Variants in SYNE2 observed in about 807,000 individuals in gnomAD.
SYNE2 encodes the protein spectrin repeat containing nuclear envelope protein 2, also known as nesprin-2.
In SYNE2, 431 loss-of-function variants were observed where a neutral mutation model predicts 856.3. The ratio of observed to expected loss-of-function variants is 0.50; its 90% CI spans 0.47 to 0.55. SYNE2 has a LOEUF of 0.55. SYNE2 is among the 20% of genes least tolerant of loss of function. The pLI, the probability that SYNE2 is intolerant of heterozygous loss-of-function variation, is 0.00. For missense variants in SYNE2, 8,129 were observed against 8,023.2 expected (o/e 1.01, Z -0.50); for synonymous variants, 2,923 against 2,872.3 (o/e 1.02, Z -0.56).
intron 2 of SYNE2, among the ~76,000 whole-genome samples, chr14:63,919,972 G>GTTTTTTTTTTGTTTTTTTT (rs2095577958): frequency 9.0e-6 from 1 of 110,620 alleles, no homozygotes; most frequent in Non-Finnish European, 1.8e-5. Flanking sequence ...TAAAAGGTAA[G>GTTTTTTTTTTGTTTTTTTT]TTTTTTTTTT....
chr14:64,102,115 G>T, intron 64 of SYNE2, 73 bp downstream of exon 64: 1 of 1,087,670 alleles, frequency 9.2e-7, no homozygotes, highest in Admixed American at 1.8e-5. Context: ...CTTTCTGCAC[G>T]ACTTTCTTTC....
Position 64,009,968 on chromosome 14 carries a change from T to G in SYNE2, c.4580T>G (p.Leu1527Arg). 1 of 1,613,498 alleles carries G rather than the reference T, an allele frequency of 6.2e-7. No individual in the cohort carries two copies. The highest frequency in any genetic ancestry group is 8.5e-7 in the Non-Finnish European group (1 of 1,179,726). ...ATTGTATATTTTTCTATTCTTAGTC[T>G]TGAACAATGTGGGAGAGTTTTGGAG... ...ENTKALVTEC[L>R]EQCGRVLELL... Residue 1527 changes from leucine (L) to arginine (R), a missense_variant and splice_region_variant, in exon 32 of 116, where the codon CTT becomes CGT. Coordinates refer to ENST00000555002, the MANE Select transcript of SYNE2 (RefSeq NM_182914.3).
At chr14:64,044,592 C>T (rs911715665) in intron 45 of SYNE2, among the ~76,000 whole-genome samples, 4 of 152,130 alleles carry the variant, frequency 2.6e-5, no homozygotes, top group African/African-American at 9.7e-5. Flanking sequence ...CCACCCAAAT[C>T]TCATCTTGAA....
chr14:64,035,521 T>A (rs2097080719), intron 45 of SYNE2, among the ~76,000 whole-genome samples: 2 of 150,688 alleles, frequency 1.3e-5, no homozygotes, highest in African/African-American at 4.9e-5. Flanking sequence ...GTACATTTTT[T>A]TTTTTTTTTT....
intron 11 of SYNE2, among the ~76,000 whole-genome samples, chr14:63,969,138 T>C (rs1047339196): frequency 6.6e-6 from 1 of 151,590 alleles, no homozygotes; most frequent in Non-Finnish European, 1.5e-5. Context: ...TCCACTTCCA[T>C]CCACATTGTT....
At chr14:63,902,407 C>CAAAA (rs10533353) in intron 1 of SYNE2, among the ~76,000 whole-genome samples, 46 of 74,608 alleles carry the variant, frequency 6.2e-4, no homozygotes, top group African/African-American at 1.3e-3. Context: ...CGAGACTCCT[C>CAAAA]AAAAAAAAAA....
At position 63,986,573 on chromosome 14, in the gene SYNE2, T is replaced by G; in HGVS notation, c.2269T>G (p.Leu757Val). Reference protein sequence around the residue: ...EIWEAEAKSVLDQDDVDTSME... With the variant: ...EIWEAEAKSVVDQDDVDTSME... Reference sequence around the variant, plus strand: ...CTGGGAGGCAGAAGCCAAATCTGTTTTGGATCAAGATGATGTGGACACCTC... The same window carrying G: ...CTGGGAGGCAGAAGCCAAATCTGTTGTGGATCAAGATGATGTGGACACCTC... The change falls in exon 19 of 116, where the codon TTG (leucine) becomes GTG (valine). Residue 757 changes from leucine (L) to valine (V), a missense_variant. Around this residue, in one of 3 missense-constraint regions of SYNE2, gnomAD observed 2,422 missense variants for 2,357.4 expected, o/e 1.03. Coordinates refer to ENST00000555002, the MANE Select transcript of SYNE2 (RefSeq NM_182914.3). The G allele has an allele frequency of 1.2e-6, 2 of 1,614,148 alleles. No homozygotes were observed. The highest frequency in any genetic ancestry group is 8.5e-7 in the Non-Finnish European group (1 of 1,180,010).
chr14:63,781,668 C>CTCTCTA (rs1555337807), intron 1 of SYNE2, among the ~76,000 whole-genome samples: 9 of 149,694 alleles, frequency 6.0e-5, no homozygotes, highest in African/African-American at 1.9e-4. Flanking sequence ...TTCTCTCTCT[C>CTCTCTA]TATATATATA....
chr14:63,863,746 A>G (rs1368389174), intron 1 of SYNE2, among the ~76,000 whole-genome samples: 1 of 152,222 alleles, frequency 6.6e-6, no homozygotes, highest in East Asian at 1.9e-4. Context: ...AAAGAAAAAA[A>G]GGAATGATTA....
chr14:64,098,698 A>T lies in SYNE2; in HGVS notation c.12307-49A>T, dbSNP rs776831172. The T allele has an allele frequency of 1.4e-5, 23 of 1,590,954 alleles. No individual in the cohort carries two copies. The South Asian group carries it at 2.2e-4, about 15-fold the overall frequency. ...ATGCAGCTGGACTGGGATCTTGGTG[A>T]TGTTGACTGGCAAGCAGACTGCAGG... On this transcript the variant is annotated intron_variant, in intron 62 of 115. Transcript: ENST00000555002.
intron 1 of SYNE2, among the ~76,000 whole-genome samples, chr14:63,883,647 C>T (rs1228003362): frequency 3.3e-5 from 5 of 152,224 alleles, no homozygotes; most frequent in Non-Finnish European, 7.3e-5. Flanking sequence ...TGCGCCACTG[C>T]GCCTGGCCTT....
intron 65 of SYNE2, chr14:64,113,041 G>A: frequency 2.0e-6 from 2 of 985,320 alleles, no homozygotes; most frequent in Non-Finnish European, 2.4e-6. Context: ...CACACACCCT[G>A]TCACTCACAT....
chr14:63,938,176 G>A (rs1041550894), intron 2 of SYNE2, among the ~76,000 whole-genome samples: 1 of 152,164 alleles, frequency 6.6e-6, no homozygotes, highest in African/African-American at 2.4e-5. Flanking sequence ...CAAGAATAAG[G>A]CCAGGTGTGA....
At chr14:64,212,722 A>G (rs1555550564) in intron 104 of SYNE2, 89 bp from the exon 105 acceptor site, 1 of 1,188,864 alleles carries the variant, frequency 8.4e-7, no homozygotes, top group South Asian at 1.2e-5. Flanking sequence ...TGACATTTGG[A>G]TGCTTTTCTA....
At chr14:64,109,966 T>G (rs1009442537) in intron 65 of SYNE2, among the ~76,000 whole-genome samples, 3 of 152,204 alleles carry the variant, frequency 2.0e-5, no homozygotes, top group African/African-American at 7.2e-5. Flanking sequence ...CAAGGATAAA[T>G]ATTTAGTATG....
Position 64,219,272 on chromosome 14 carries a change from A to T in SYNE2, c.19722A>T (p.Gln6574His). 1.9e-6 allele frequency: 3 copies of T among 1,614,066 alleles called. No individual in the cohort carries two copies. The highest frequency in any genetic ancestry group is 2.5e-6 in the Non-Finnish European group (3 of 1,180,012). Reference sequence around the variant, plus strand: ...TTCACAATAAGCTCAAAATAAAACAAAATTTGCAACAGCTGAACTCTGATA... The same window carrying T: ...TTCACAATAAGCTCAAAATAAAACATAATTTGCAACAGCTGAACTCTGATA... ...QELHNKLKIK[Q>H]NLQQLNSDIS... The change falls in exon 110 of 116, where the codon CAA becomes CAT. Residue 6574 changes from glutamine to histidine, a missense_variant. Transcript: ENST00000555002.
rs1430310299 is a variant in SYNE2 at position 64,142,056 on chromosome 14, T to C, written c.15274T>C (p.Ser5092Pro). 1.2e-6 allele frequency: 2 copies of C among 1,614,020 alleles called. No individual in the cohort carries two copies. The highest frequency in any genetic ancestry group is 2.7e-5 in the African/African-American group (2 of 74,942). Residue 5092 changes from serine to proline, a missense_variant, in exon 82 of 116, where the codon TCT becomes CCT. Physicochemically the swap from Ser to Pro is moderately conservative, Grantham distance 74 (BLOSUM62 -1). Transcript: ENST00000555002. ...EDSVHSPSSA[S>P]QVKHLLQKHK... ...CTCCGTGCATTCACCAAGTTCTGCA[T>C]CTCAAGTTAAACATCTTCTTCAGAA...
At position 64,130,167 on chromosome 14, in the gene SYNE2, T is replaced by C. The variant is rs200609104; in HGVS notation, c.14259T>C (p.Ile4753=). The change falls in exon 76 of 116, where the codon ATT becomes ATC. Residue 4753 remains isoleucine, a synonymous_variant. Transcript: ENST00000555002. ...AAGGCATGGTGGAACTGGTGAAGAT[T>C]GGGAAGGAAAAGCTTGCTCATGGCC... ...LLQGMVELVK[I]GKEKLAHGHL... is the part of the protein sequence containing the mutation. 20 of 1,614,086 alleles carry C rather than the reference T, an allele frequency of 1.2e-5. No individual in the cohort carries two copies. The East Asian group carries it at 4.0e-4, about 32-fold the overall frequency.
intron 100 of SYNE2, among the ~76,000 whole-genome samples, chr14:64,206,106 ATTC>A (rs1344734024): frequency 6.6e-6 from 1 of 151,702 alleles, no homozygotes. Context: ...TTTTATTCTC[ATTC>A]TTCTGGCTGC....
Sources: allele counts gnomAD v4.1 joint callset (sites outside exome capture counted in the v4.1 genomes callset), GRCh38; gene constraint gnomAD v4.1.1; regional missense constraint gnomAD v4.1.1; transcripts MANE v1.5; gene names NCBI Gene and HGNC (gene_info 2026-07-23, HGNC 2026-07-21).